GABRR2: variants seen among roughly 807,000 people sequenced by gnomAD.
The protein encoded by GABRR2 is gamma-aminobutyric acid type A receptor subunit rho2.
A neutral mutation model predicts 47.0 loss-of-function variants in GABRR2; 36 were observed. The ratio of observed to expected loss-of-function variants is 0.77; its 90% CI spans 0.59 to 1.01. The LOEUF is 1.01. Ranked by LOEUF, GABRR2 falls within the 50% of genes least tolerant of loss-of-function variation. The pLI is 0.00. For missense variants in GABRR2, 587 were observed against 594.6 expected (o/e 0.99, Z 0.13); for synonymous variants, 204 against 227.5 (o/e 0.90, Z 0.93).
At chr6:89,278,942 G>A (rs540536691) in intron 2 of GABRR2, among the ~76,000 whole-genome samples, 7 of 152,314 alleles carry the variant, frequency 4.6e-5, no homozygotes, top group South Asian at 2.1e-4. Flanking sequence ...CTCAGGAAGC[G>A]GGCCCCTGAA....
At chr6:89,278,752 C>T (rs773648151) in intron 2 of GABRR2, among the ~76,000 whole-genome samples, 96 of 152,238 alleles carry the variant, frequency 6.3e-4, no homozygotes, top group Admixed American at 6.5e-4. Context: ...CTCAAGAAAA[C>T]ACCAGAACCC....
In GABRR2 at chr6:89,256,877, T is replaced by TCTCCTGGACCC. The variant is rs1381365326; in HGVS notation, c.*792_*793insGGGTCCAGGAG. Among the ~76,000 whole-genome samples, 2 of 152,188 alleles carry TCTCCTGGACCC rather than the reference T, an allele frequency of 1.3e-5. No individual in the cohort carries two copies. Among genetic ancestry groups the TCTCCTGGACCC allele is most frequent in the Admixed American group, 6.5e-5 (1 of 15,278 alleles). ...GGAGGATAGTTGAAAGTTCTGGACC[T>TCTCCTGGACCC]GGCCTCTCCTGGACCCTGCCTTATA... On this transcript the variant is annotated 3_prime_UTR_variant, in exon 9 of 9. Transcript: ENST00000402938.
intron 2 of GABRR2, among the ~76,000 whole-genome samples, chr6:89,278,732 A>G (rs1225056014): frequency 6.6e-6 from 1 of 152,224 alleles, no homozygotes; most frequent in African/African-American, 2.4e-5. Context: ...GTCAGCCTCC[A>G]AAATCTGCAC....
At chr6:89,270,799 C>T (rs1774033667) in intron 3 of GABRR2, among the ~76,000 whole-genome samples, 1 of 152,174 alleles carries the variant, frequency 6.6e-6, no homozygotes, top group Non-Finnish European at 1.5e-5. Context: ...TGGGGGACCA[C>T]ACTGGACTAG....
chr6:89,296,144 C>G (rs548100988), intron 2 of GABRR2, among the ~76,000 whole-genome samples: 3 of 152,350 alleles, frequency 2.0e-5, no homozygotes, highest in East Asian at 1.9e-4. Flanking sequence ...TCCTTTCTCA[C>G]AGAGACCTGC....
At position 89,269,251 on chromosome 6, in the gene GABRR2, G is replaced by A; in HGVS notation, c.289-17C>T. On this transcript the variant is annotated splice_polypyrimidine_tract_variant and intron_variant, in intron 3 of 8. Transcript: ENST00000402938. Reference sequence around the variant, plus strand: ...AGTGAAGTCCTGTGGGAGCCGGGGTGAGACCAGACAAAAATGGCTTAGAAG... The same window carrying A: ...AGTGAAGTCCTGTGGGAGCCGGGGTAAGACCAGACAAAAATGGCTTAGAAG... 6.2e-7 allele frequency: 1 copy of A among 1,601,036 alleles called. No homozygotes were observed.
At chr6:89,263,165 C>T (rs775452582) in intron 8 of GABRR2, among the ~76,000 whole-genome samples, 4 of 152,212 alleles carry the variant, frequency 2.6e-5, no homozygotes, top group Non-Finnish European at 4.4e-5. Flanking sequence ...CCTCCTCAGC[C>T]TACTCAGAGT....
At position 89,315,128 on chromosome 6, in the gene GABRR2, C is replaced by T. The variant is rs750051139; in HGVS notation, c.38G>A (p.Cys13Tyr). The T allele has an allele frequency of 1.9e-6, 3 of 1,613,798 alleles. No individual in the cohort carries two copies. The highest frequency in any genetic ancestry group is 2.7e-5 in the African/African-American group (2 of 74,908). Residue 13 changes from cysteine to tyrosine, a missense_variant, in exon 1 of 9, where the codon TGC (cysteine) becomes TAC (tyrosine). Cys to Tyr is a radical substitution (Grantham distance 194). Coordinates refer to ENST00000402938, the MANE Select transcript of GABRR2 (RefSeq NM_002043.5). The part of the protein sequence containing the change: ...YFTRLILFLF[C>Y]LMVLVESRKP... Reference sequence around the variant, plus strand: ...TCTGCTCTCCACGAGAACCATCAAGCAAAACAAGAACAAAATGAGTCTTGT... The same window carrying T: ...TCTGCTCTCCACGAGAACCATCAAGTAAAACAAGAACAAAATGAGTCTTGT...
intron 2 of GABRR2, among the ~76,000 whole-genome samples, chr6:89,285,249 G>A (rs561888014): frequency 5.1e-4 from 77 of 152,342 alleles, no homozygotes; most frequent in African/African-American, 1.4e-3. Context: ...CATTGCTGGC[G>A]CAAGGGAATT....
chr6:89,285,273 G>A lies in GABRR2; in HGVS notation c.221-13551C>T, dbSNP rs1476714134. Among the ~76,000 whole-genome samples, 5 of 152,344 alleles carry A rather than the reference G, an allele frequency of 3.3e-5. No homozygotes were observed. In the East Asian group the frequency reaches 9.6e-4, roughly 29 times the overall value. On this transcript the variant is annotated intron_variant, in intron 2 of 8. Transcript: ENST00000402938. Reference sequence around the variant, plus strand: ...CGCAAGGGAATTGTTGTTACTGGGGGTTATATGGCTTGACTTTGCATTTGC... The same window carrying A: ...CGCAAGGGAATTGTTGTTACTGGGGATTATATGGCTTGACTTTGCATTTGC...
intron 2 of GABRR2, among the ~76,000 whole-genome samples, chr6:89,296,521 T>C (rs2127846078): frequency 6.6e-6 from 1 of 152,346 alleles, no homozygotes; most frequent in African/African-American, 2.4e-5. Flanking sequence ...ACCTATACTG[T>C]GGTGGCTGAG....
intron 8 of GABRR2, 128 bp downstream of exon 8, chr6:89,264,284 A>G (rs1023515742): frequency 2.7e-6 from 3 of 1,118,698 alleles, no homozygotes; most frequent in African/African-American, 3.2e-5. Context: ...CTAAAACAAG[A>G]TCCTCCTCGT....
In GABRR2 at chr6:89,269,204, A is replaced by G. The variant is rs1773986119; in HGVS notation, c.319T>C (p.Tyr107His). 6.2e-7 allele frequency: 1 copy of G among 1,614,018 alleles called. No individual in the cohort carries two copies. Reference protein sequence around the residue: ...DFTMTLYLRHYWKDERLAFSS... With the variant: ...DFTMTLYLRHHWKDERLAFSS... ...AAAGCTAGCCTCTCATCCTTCCAGT[A>G]ATGCCGCAGGTACAGGGTCATAGTG... is the stretch of plus-strand genomic sequence containing the variant. Residue 107 changes from tyrosine to histidine, a missense_variant, in exon 4 of 9, where the codon TAC becomes CAC. By Grantham distance (83) the Tyr-to-His change is moderately conservative. Transcript: ENST00000402938.
chr6:89,264,801 C>T (rs1284060148), intron 7 of GABRR2, among the ~76,000 whole-genome samples, 193 bp from the exon 8 acceptor site: 1 of 152,154 alleles, frequency 6.6e-6, no homozygotes, highest in Non-Finnish European at 1.5e-5. Flanking sequence ...AACCTGCTTG[C>T]TTGTCCCATT....
At chr6:89,272,767 TG>T (rs1021105512) in intron 2 of GABRR2, among the ~76,000 whole-genome samples, 3 of 152,182 alleles carry the variant, frequency 2.0e-5, no homozygotes, top group African/African-American at 7.2e-5. Context: ...TGGGGGGACT[TG>T]GTGAGTCTGA....
At position 89,299,897 on chromosome 6, in the gene GABRR2, C is replaced by A. The variant is rs556007542; in HGVS notation, c.114-32G>T. 2.1e-5 allele frequency: 30 copies of A among 1,425,126 alleles called. No individual in the cohort carries two copies. The Admixed American group carries it at 3.9e-4, about 18-fold the overall frequency. The allele number at this position is 1,425,126 out of a possible 1,614,324, so 88.3% of individuals were successfully genotyped here. A position where few individuals can be genotyped will look rare whatever the true frequency, so the allele number is the denominator to read the frequency against. On this transcript the variant is annotated intron_variant, in intron 1 of 8. Coordinates refer to ENST00000402938, the MANE Select transcript of GABRR2 (RefSeq NM_002043.5). Reference sequence around the variant, plus strand: ...AGACAAGCAAGAAACTATTTTCCATCGGCTCTTCAATGCATTGAGTGAGAT... The same window carrying A: ...AGACAAGCAAGAAACTATTTTCCATAGGCTCTTCAATGCATTGAGTGAGAT...
rs147792231 is a variant in GABRR2 at position 89,278,641 on chromosome 6, C to G, written c.221-6919G>C. Among the ~76,000 whole-genome samples the G allele has an allele frequency of 2.3e-3, 347 of 152,318 alleles. 2 individuals carry two copies. Among genetic ancestry groups the G allele is most frequent in the Middle Eastern group, 6.8e-3 (2 of 294 alleles). Reference sequence around the variant, plus strand: ...CCTGGGTAAGGTTGTGGGGTCCCCACAGTGTCCCATTCTTTTCCTAGTGTA... The same window carrying G: ...CCTGGGTAAGGTTGTGGGGTCCCCAGAGTGTCCCATTCTTTTCCTAGTGTA... On this transcript the variant is annotated intron_variant, in intron 2 of 8. Transcript: ENST00000402938.
At position 89,264,565 on chromosome 6, in the gene GABRR2, C is replaced by T. The variant is rs1451359259; in HGVS notation, c.933G>A (p.Val311=). The change falls in exon 8 of 9, where the codon GTG becomes GTA. Residue 311 remains valine, a synonymous_variant. Transcript: ENST00000402938. Reference sequence around the variant, plus strand: ...AGGAGACGCGCGGCATGGAGGCATTCACGCCCGTGATGATGGTGGTCATGG... The same window carrying T: ...AGGAGACGCGCGGCATGGAGGCATTTACGCCCGTGATGATGGTGGTCATGG... The part of the protein sequence containing the change: ...VLTMTTIITG[V]NASMPRVSYV... 2 of 1,614,076 alleles carry T rather than the reference C, an allele frequency of 1.2e-6. No individual in the cohort carries two copies. The highest frequency in any genetic ancestry group is 1.7e-5 in the Admixed American group (1 of 59,998).
chr6:89,301,498 T>C (rs541182821), intron 1 of GABRR2, among the ~76,000 whole-genome samples: 11 of 152,264 alleles, frequency 7.2e-5, no homozygotes, highest in African/African-American at 2.6e-4. Flanking sequence ...CAAAAGCTCC[T>C]TCAGGTGATA....
Sources: allele counts gnomAD v4.1 joint callset (sites outside exome capture counted in the v4.1 genomes callset), GRCh38; gene constraint gnomAD v4.1.1; transcripts MANE v1.5; gene names NCBI Gene and HGNC (gene_info 2026-07-23, HGNC 2026-07-21).